The following PDE1A variants were observed in gnomAD, a reference collection of about 807,000 sequenced individuals.
PDE1A encodes dual specificity calcium/calmodulin-dependent 3',5'-cyclic nucleotide phosphodiesterase 1A.
A neutral mutation model predicts 61.7 loss-of-function variants in PDE1A; 35 were observed. The ratio of observed to expected loss-of-function variants is 0.57; its 90% confidence interval spans 0.43 to 0.75. PDE1A has a LOEUF of 0.75. Among genes scored for constraint, PDE1A ranks in the 30% least tolerant of loss-of-function variants. The probability of loss-of-function intolerance (pLI) is 0.00; values close to 1 mark genes in which losing one functional copy is unlikely to be tolerated. For synonymous variants in PDE1A, 232 were observed against 213.2 expected (o/e 1.09, Z -0.77); for missense variants, 597 against 630.6 (o/e 0.95, Z 0.57).
chr2:182,499,321 C>T (rs1269004219), intron 2 of PDE1A, among the ~76,000 whole-genome samples: 1 of 151,940 alleles, frequency 6.6e-6, no homozygotes, highest in Non-Finnish European at 1.5e-5. Flanking sequence ...GGACTACAGG[C>T]GCCCGCAACT....
intron 13 of PDE1A, among the ~76,000 whole-genome samples, chr2:182,180,136 T>A (rs1684629933): frequency 6.6e-6 from 1 of 152,182 alleles, no homozygotes; most frequent in Non-Finnish European, 1.5e-5. Flanking sequence ...TATCTGATAC[T>A]CAGTGACTTT....
chr2:182,260,508 C>T (rs1051232402), intron 2 of PDE1A, among the ~76,000 whole-genome samples: 1 of 152,076 alleles, frequency 6.6e-6, no homozygotes, highest in African/African-American at 2.4e-5. Flanking sequence ...TATTATTGTT[C>T]TAAAAAATCT....
chr2:182,463,284 C>T (rs6707322), intron 2 of PDE1A, among the ~76,000 whole-genome samples: 149,903 of 151,492 alleles, frequency 0.99, 74,174 homozygotes, highest in East Asian at 1. Context: ...AAAATAAAAA[C>T]AAAAAATTTA....
chr2:182,599,647 C>CAAAT, the PDE1A span, among the ~76,000 whole-genome samples: 90,658 of 151,612 alleles, frequency 0.6, 28,574 homozygotes, highest in African/African-American at 0.79. Flanking sequence ...TCAGAAATAA[C>CAAAT]AAAAATACAG....
At chr2:182,251,625 TCTC>T (rs1184604583) in intron 2 of PDE1A, among the ~76,000 whole-genome samples, 2 of 152,186 alleles carry the variant, frequency 1.3e-5, no homozygotes, top group East Asian at 1.9e-4. Context: ...AGAACACTGT[TCTC>T]CTTCATTCAC....
At chr2:182,511,116 G>T (rs530668765) in intron 2 of PDE1A, among the ~76,000 whole-genome samples, 1 of 151,952 alleles carries the variant, frequency 6.6e-6, no homozygotes, top group Non-Finnish European at 1.5e-5. Context: ...TCTCAACACC[G>T]ATGAGATACG....
chr2:182,649,894 C>T, the PDE1A span, among the ~76,000 whole-genome samples: 19 of 152,082 alleles, frequency 1.2e-4, no homozygotes, highest in African/African-American at 4.6e-4. Context: ...AGGTGTGAGC[C>T]ACTGTGCCCG....
At chr2:182,553,649 A>C in the PDE1A span, among the ~76,000 whole-genome samples, 1 of 152,242 alleles carries the variant, frequency 6.6e-6, no homozygotes, top group South Asian at 2.1e-4. Context: ...TACCAAATGC[A>C]CTGGAGGAAT....
chr2:182,680,897 T>C, the PDE1A span, among the ~76,000 whole-genome samples: 1 of 152,232 alleles, frequency 6.6e-6, no homozygotes, highest in East Asian at 1.9e-4. Context: ...TCTGCACTCT[T>C]ATTTATACCT....
At chr2:182,363,191 C>G (rs953365719) in intron 1 of PDE1A, among the ~76,000 whole-genome samples, 1 of 151,940 alleles carries the variant, frequency 6.6e-6, no homozygotes, top group Admixed American at 6.6e-5. Flanking sequence ...AACAAACCTG[C>G]TCATGTACCC....
At chr2:182,509,852 A>C (rs927651908) in intron 2 of PDE1A, among the ~76,000 whole-genome samples, 1 of 152,192 alleles carries the variant, frequency 6.6e-6, no homozygotes, top group Non-Finnish European at 1.5e-5. Flanking sequence ...TCCAGTTTTA[A>C]ATGGACCAGA....
upstream of PDE1A, among the ~76,000 whole-genome samples, chr2:182,524,972 A>G (rs1690754433): frequency 6.6e-6 from 1 of 151,838 alleles, no homozygotes; most frequent in Non-Finnish European, 1.5e-5. Context: ...AGTATCTACT[A>G]TTGCCAAAAT....
intron 1 of PDE1A, among the ~76,000 whole-genome samples, chr2:182,351,085 G>A (rs1179593190): frequency 6.6e-6 from 1 of 152,200 alleles, no homozygotes; most frequent in Non-Finnish European, 1.5e-5. Flanking sequence ...AACAGAACGT[G>A]TTCTTGGGAT....
At chr2:182,513,529 C>T (rs2125962292) in intron 2 of PDE1A, among the ~76,000 whole-genome samples, 1 of 152,306 alleles carries the variant, frequency 6.6e-6, no homozygotes, top group African/African-American at 2.4e-5. Context: ...CACTATAAAG[C>T]TTGTACACAA....
At chr2:182,346,508 T>C (rs1463263673) in intron 1 of PDE1A, among the ~76,000 whole-genome samples, 2 of 152,176 alleles carry the variant, frequency 1.3e-5, no homozygotes, top group African/African-American at 2.4e-5. Context: ...TTATTTCATA[T>C]TGCATTATTT....
chr2:182,571,094 G>A, the PDE1A span, among the ~76,000 whole-genome samples: 1 of 152,180 alleles, frequency 6.6e-6, no homozygotes. Flanking sequence ...CTCATATGAA[G>A]ATTAGAAAGC....
At chr2:182,574,820 A>G in the PDE1A span, among the ~76,000 whole-genome samples, 1 of 152,062 alleles carries the variant, frequency 6.6e-6, no homozygotes, top group Non-Finnish European at 1.5e-5. Flanking sequence ...CCTCCCAAGT[A>G]GCTGGGACTA....
upstream of PDE1A, among the ~76,000 whole-genome samples, chr2:182,525,912 C>A (rs572365908): frequency 1.3e-5 from 2 of 150,914 alleles, no homozygotes; most frequent in East Asian, 1.9e-4. Context: ...AGTTAATATA[C>A]CTGAAAAAAG....
chr2:182,161,717 A>G (rs1691391436), intron 13 of PDE1A, among the ~76,000 whole-genome samples: 1 of 152,114 alleles, frequency 6.6e-6, no homozygotes, highest in Non-Finnish European at 1.5e-5. Context: ...CAAAAGAACT[A>G]CTTGAGTGTT....
Sources: gnomAD v4.1 joint callset for allele counts (sites outside exome capture counted in the v4.1 genomes callset) on GRCh38, gnomAD v4.1.1 for gene constraint, MANE v1.5 for transcripts, NCBI Gene and HGNC (gene_info 2026-07-23, HGNC 2026-07-21) for gene names.